IQCM: variants seen among roughly 807,000 people sequenced by gnomAD.
IQCM encodes IQ motif containing M, also known as IQ domain-containing protein M.
A neutral mutation model predicts 57.6 loss-of-function variants in IQCM; 45 were observed. The ratio of observed to expected loss-of-function variants is 0.78; its 90% CI spans 0.62 to 1.00. The LOEUF is 1.00. Among genes scored for constraint, IQCM ranks in the 50% least tolerant of loss-of-function variants. The probability of loss-of-function intolerance (pLI) is 0.00; values close to 1 mark genes in which losing one functional copy is unlikely to be tolerated. For missense variants in IQCM, 468 were observed against 511.6 expected, an observed-to-expected ratio of 0.91 and a Z score of 0.82; for synonymous variants, 148 against 158.9, an observed-to-expected ratio of 0.93 and a Z score of 0.51.
chr4:149,775,315 CAA>C (rs373105612), intron 2 of IQCM, among the ~76,000 whole-genome samples: 1 of 144,094 alleles, frequency 6.9e-6, no homozygotes, highest in African/African-American at 2.5e-5. Flanking sequence ...CAGCCCAAGA[CAA>C]AAAAAAAAGT....
At chr4:149,654,509 G>C (rs547831376) in intron 7 of IQCM, among the ~76,000 whole-genome samples, 18 of 152,276 alleles carry the variant, frequency 1.2e-4, no homozygotes, top group African/African-American at 4.1e-4. Context: ...TCCGCCATGA[G>C]TAAAAGCTTC....
rs371051488 is a variant in IQCM at position 149,626,392 on chromosome 4, C to CAT, written c.566-5150_566-5149dup. ...GATTGTGTTAGTTATACTTAATAAA[C>CAT]ATATATATATATAAGTTTATAGCAA... is the stretch of plus-strand genomic sequence containing the variant. On this transcript the variant is annotated intron_variant, in intron 7 of 13. Transcript: ENST00000636793. Among the ~76,000 whole-genome samples, 66 of 120,560 alleles carry CAT rather than the reference C, an allele frequency of 5.5e-4. 4 individuals are homozygous for CAT. Among genetic ancestry groups the CAT allele is most frequent in the African/African-American group, 9.0e-4 (29 of 32,198 alleles). The allele number at this position is 120,560 out of a possible 152,430, so 79.1% of individuals were successfully genotyped here. A position where few individuals can be genotyped will look rare whatever the true frequency, so the allele number is the denominator to read the frequency against.
chr4:149,518,122 G>A (rs950225306), intron 12 of IQCM, among the ~76,000 whole-genome samples: 2 of 152,108 alleles, frequency 1.3e-5, no homozygotes, highest in East Asian at 3.9e-4. Flanking sequence ...ACATGGCCAA[G>A]CCCAACACCA....
chr4:149,429,408 C>T (rs1408565100), intron 13 of IQCM, among the ~76,000 whole-genome samples: 1 of 151,720 alleles, frequency 6.6e-6, no homozygotes, highest in Non-Finnish European at 1.5e-5. Flanking sequence ...ATTCTTTGTG[C>T]CTATTAGCAA....
At chr4:149,733,591 G>A in intron 4 of IQCM, 83 bp from the exon 5 acceptor site, 1 of 704,704 alleles carries the variant, frequency 1.4e-6, no homozygotes, top group Non-Finnish European at 2.0e-6. Context: ...TTATTAATAA[G>A]TTCATGAAAT....
At chr4:149,425,308 C>T (rs1734390172) in intron 13 of IQCM, among the ~76,000 whole-genome samples, 1 of 151,954 alleles carries the variant, frequency 6.6e-6, no homozygotes, top group South Asian at 2.1e-4. Flanking sequence ...TTATGAAGGA[C>T]TAGCTCATGC....
chr4:149,527,967 G>C (rs1746330650), intron 12 of IQCM, among the ~76,000 whole-genome samples: 1 of 142,770 alleles, frequency 7.0e-6, no homozygotes, highest in Admixed American at 7.6e-5. Flanking sequence ...ATATCTTCAT[G>C]AGAGATTTAT....
At chr4:149,668,401 C>T (rs1413990184) in intron 7 of IQCM, among the ~76,000 whole-genome samples, 1 of 152,154 alleles carries the variant, frequency 6.6e-6, no homozygotes, top group Non-Finnish European at 1.5e-5. Flanking sequence ...ACCACCAGGC[C>T]TGCCTTACAA....
chr4:149,370,634 G>A (rs952674919), intron 13 of IQCM, among the ~76,000 whole-genome samples: 2 of 151,770 alleles, frequency 1.3e-5, no homozygotes, highest in East Asian at 3.9e-4. Flanking sequence ...AGAGTGTGCT[G>A]GCTCTGTGAA....
intron 7 of IQCM, among the ~76,000 whole-genome samples, chr4:149,644,538 T>C (rs1758476985): frequency 6.6e-6 from 1 of 152,258 alleles, no homozygotes; most frequent in Non-Finnish European, 1.5e-5. Flanking sequence ...TATATACTCT[T>C]ATCTTGAATG....
chr4:149,806,915 C>T (rs1295349079), intron 2 of IQCM, among the ~76,000 whole-genome samples: 1 of 151,722 alleles, frequency 6.6e-6, no homozygotes, highest in East Asian at 1.9e-4. Flanking sequence ...AAAACAATCC[C>T]ATTTACAATA....
intron 9 of IQCM, among the ~76,000 whole-genome samples, chr4:149,567,984 G>A (rs1750793299): frequency 6.6e-6 from 1 of 152,036 alleles, no homozygotes; most frequent in African/African-American, 2.4e-5. Context: ...CATATTTTTA[G>A]CCGTTTAGAG....
chr4:149,544,306 C>T (rs918236735), intron 12 of IQCM, among the ~76,000 whole-genome samples: 2 of 152,042 alleles, frequency 1.3e-5, no homozygotes, highest in Non-Finnish European at 2.9e-5. Flanking sequence ...AAACAATCCC[C>T]CTTGCAATCG....
chr4:149,701,528 C>T (rs79288194), intron 5 of IQCM, among the ~76,000 whole-genome samples: 1,558 of 152,080 alleles, frequency 0.01, 30 homozygotes, highest in African/African-American at 0.034. Flanking sequence ...AATCATGTTG[C>T]GTCTTGCAAT....
At chr4:149,511,277 G>A (rs1278590256) in intron 12 of IQCM, among the ~76,000 whole-genome samples, 1 of 151,988 alleles carries the variant, frequency 6.6e-6, no homozygotes, top group Non-Finnish European at 1.5e-5. Flanking sequence ...CCAGGACTTT[G>A]GGAGGCCAAG....
At position 149,433,457 on chromosome 4, in the gene IQCM, T is replaced by C; in HGVS notation, c.1329A>G (p.Thr443=). ...GTCTCAACCAAGTCGACTTGAGTAG[T>C]GTACTGTCAGGCACATGTGCACCTT... ...PPEGAHVPDS[T]LLKSTWLRPI... The change falls in exon 13 of 14, where the codon ACA becomes ACG. Residue 443 remains threonine, a synonymous_variant. Transcript: ENST00000636793. 1 of 1,226,568 alleles carries C rather than the reference T, an allele frequency of 8.2e-7. No homozygotes were observed. The highest frequency in any genetic ancestry group is 1.0e-6 in the Non-Finnish European group (1 of 983,262). The allele number at this position is 1,226,568 out of a possible 1,614,324, so 76.0% of individuals were successfully genotyped here. A position where few individuals can be genotyped will look rare whatever the true frequency, so the allele number is the denominator to read the frequency against.
At chr4:149,805,237 A>G (rs1457185281) in intron 2 of IQCM, among the ~76,000 whole-genome samples, 2 of 152,058 alleles carry the variant, frequency 1.3e-5, no homozygotes, top group African/African-American at 2.4e-5. Flanking sequence ...TCTATACTGT[A>G]TATCTACAGT....
intron 12 of IQCM, among the ~76,000 whole-genome samples, chr4:149,474,090 A>T (rs28699324): frequency 0.038 from 5,825 of 152,092 alleles, 390 homozygotes; most frequent in African/African-American, 0.13. Flanking sequence ...AAACCTGCAC[A>T]TTGTGCACAT....
At chr4:149,526,987 C>T (rs1451457526) in intron 12 of IQCM, among the ~76,000 whole-genome samples, 2 of 152,014 alleles carry the variant, frequency 1.3e-5, no homozygotes, top group Admixed American at 6.6e-5. Context: ...GTTTACAGGA[C>T]ATTTACAGAT....
Sources: allele counts gnomAD v4.1 joint callset (sites outside exome capture counted in the v4.1 genomes callset), GRCh38; gene constraint gnomAD v4.1.1; transcripts MANE v1.5; gene names NCBI Gene and HGNC (gene_info 2026-07-23, HGNC 2026-07-21).